The following EXOC6 variants were observed in gnomAD, a reference collection of about 807,000 sequenced individuals.
EXOC6 encodes the protein exocyst complex component 6, also known as SEC15-like 1.
EXOC6 carries 60 observed loss-of-function variants against 112.5 expected under a neutral mutation model. That is an observed-to-expected ratio of 0.53 (90% CI 0.43 to 0.66). The LOEUF (loss-of-function observed/expected upper bound fraction) is 0.66, where lower values mean the gene tolerates loss of function less well. Ranked by LOEUF, EXOC6 falls within the 30% of genes least tolerant of loss-of-function variation. The pLI is 0.00. For synonymous variants in EXOC6, 295 were observed against 308.0 expected (o/e 0.96, Z 0.44); for missense variants, 855 against 957.1 (o/e 0.89, Z 1.41).
At chr10:93,016,213 C>CA (rs1844502379) in intron 20 of EXOC6, among the ~76,000 whole-genome samples, 1 of 152,130 alleles carries the variant, frequency 6.6e-6, no homozygotes, top group Non-Finnish European at 1.5e-5. Context: ...CAGCTCACTG[C>CA]AGCTCTGCCT....
At chr10:92,943,312 C>T (rs1249760804) in intron 13 of EXOC6, among the ~76,000 whole-genome samples, 1 of 152,200 alleles carries the variant, frequency 6.6e-6, no homozygotes, top group East Asian at 1.9e-4. Flanking sequence ...GCCACCCCTC[C>T]TGGCCACCTA....
At chr10:92,827,474 CAAAAAAA>C (rs60863083) in intron 1 of EXOC6, among the ~76,000 whole-genome samples, 14 of 33,206 alleles carry the variant, frequency 4.2e-4, no homozygotes, top group East Asian at 3.4e-3. Context: ...GCCCTGTTGC[CAAAAAAA>C]AAAAAAAAAA....
intron 17 of EXOC6, among the ~76,000 whole-genome samples, chr10:92,959,301 G>A (rs11818946): frequency 0.011 from 1,618 of 152,270 alleles, 32 homozygotes; most frequent in African/African-American, 0.037. Context: ...ACATCCACAT[G>A]TAAAAAAATG....
At chr10:93,045,212 C>T (rs1461620752) in intron 20 of EXOC6, among the ~76,000 whole-genome samples, 1 of 152,088 alleles carries the variant, frequency 6.6e-6, no homozygotes, top group Non-Finnish European at 1.5e-5. Context: ...TAAAGAAAAG[C>T]CAGTCATTGT....
chr10:93,045,090 T>C (rs1845944193), intron 20 of EXOC6, among the ~76,000 whole-genome samples: 1 of 152,186 alleles, frequency 6.6e-6, no homozygotes. Flanking sequence ...CCAGGCTAAT[T>C]TCAAACTTCT....
intron 19 of EXOC6, among the ~76,000 whole-genome samples, chr10:92,999,908 T>C (rs1843674592): frequency 6.6e-6 from 1 of 152,100 alleles, no homozygotes; most frequent in Admixed American, 6.5e-5. Context: ...TTCAACATAT[T>C]GGCCAGGCTG....
At chr10:92,975,687 A>G (rs1458663620) in intron 18 of EXOC6, among the ~76,000 whole-genome samples, 7 of 90,290 alleles carry the variant, frequency 7.8e-5, no homozygotes, top group Admixed American at 3.2e-4. Context: ...GGCAGCCCCT[A>G]CTGGGAAGTG....
At chr10:92,872,460 G>GT (rs1398499693) in intron 1 of EXOC6, among the ~76,000 whole-genome samples, 2 of 151,896 alleles carry the variant, frequency 1.3e-5, no homozygotes, top group Non-Finnish European at 2.9e-5. Flanking sequence ...AAAGTGTATG[G>GT]TTTTTTATTA....
Position 92,935,795 on chromosome 10 carries a change from T to C in EXOC6, c.1141-19T>C, listed in dbSNP as rs747049066. 6.4e-7 allele frequency: 1 copy of C among 1,568,424 alleles called. No homozygotes were observed. Among genetic ancestry groups the C allele is most frequent in the East Asian group, 2.3e-5 (1 of 44,358 alleles). ...GTTGTTGTCGGTGTTTTGTTTTGTTTGTGTGTTTCCACCCTCAGTCCTATT... is the reference window on the plus strand; with the variant it reads ...GTTGTTGTCGGTGTTTTGTTTTGTTCGTGTGTTTCCACCCTCAGTCCTATT... On this transcript the variant is annotated intron_variant, in intron 11 of 21. Transcript: ENST00000260762.
chr10:92,985,357 G>A (rs1842963835), intron 18 of EXOC6, among the ~76,000 whole-genome samples: 1 of 152,096 alleles, frequency 6.6e-6, no homozygotes, highest in African/African-American at 2.4e-5. Context: ...CTACTTCTCT[G>A]TTAGCATATA....
chr10:92,956,234 T>G (rs966891438), intron 17 of EXOC6, among the ~76,000 whole-genome samples: 1 of 152,216 alleles, frequency 6.6e-6, no homozygotes, highest in African/African-American at 2.4e-5. Context: ...AATGTAAGAT[T>G]AAACAATTTC....
At chr10:92,924,130 T>G (rs1487232883) in intron 8 of EXOC6, among the ~76,000 whole-genome samples, 1 of 152,192 alleles carries the variant, frequency 6.6e-6, no homozygotes, top group Non-Finnish European at 1.5e-5. Context: ...AATGACCTGT[T>G]CTTTTTCCCC....
intron 20 of EXOC6, among the ~76,000 whole-genome samples, chr10:93,023,809 T>C (rs1844893344): frequency 6.6e-6 from 1 of 152,232 alleles, no homozygotes; most frequent in East Asian, 1.9e-4. Flanking sequence ...TAAGATTCTT[T>C]GTATAATATG....
intron 18 of EXOC6, among the ~76,000 whole-genome samples, chr10:92,978,508 CTA>C (rs1340841058): frequency 1.3e-5 from 2 of 151,866 alleles, no homozygotes; most frequent in Non-Finnish European, 2.9e-5. Context: ...AAATTATTGA[CTA>C]TGGTAAATTT....
intron 20 of EXOC6, among the ~76,000 whole-genome samples, chr10:93,016,629 A>G (rs1043902009): frequency 6.6e-6 from 1 of 152,222 alleles, no homozygotes; most frequent in Non-Finnish European, 1.5e-5. Flanking sequence ...ACATTGTCAA[A>G]TAAGAAATGG....
At chr10:92,987,624 T>A in intron 18 of EXOC6, 1 of 985,194 alleles carries the variant, frequency 1.0e-6, no homozygotes. Context: ...CTAACAACAA[T>A]GATCATGCAG....
intron 20 of EXOC6, among the ~76,000 whole-genome samples, chr10:93,055,680 T>C (rs1396384423): frequency 9.1e-6 from 1 of 109,956 alleles, no homozygotes; most frequent in African/African-American, 3.4e-5. Context: ...ATTGTCTCAG[T>C]ATAGTTTCTA....
chr10:92,858,798 C>T (rs1847753211), intron 1 of EXOC6, among the ~76,000 whole-genome samples: 1 of 152,150 alleles, frequency 6.6e-6, no homozygotes, highest in African/African-American at 2.4e-5. Context: ...CAGAGTCTTG[C>T]TCTGTCACCC....
At chr10:93,000,116 A>T (rs835245) in intron 19 of EXOC6, among the ~76,000 whole-genome samples, 48,168 of 152,020 alleles carry the variant, frequency 0.32, 10,647 homozygotes, top group African/African-American at 0.63. Context: ...CCATTGGGGG[A>T]CTTGGAACAT....
Sources: gnomAD v4.1 joint callset for allele counts (sites outside exome capture counted in the v4.1 genomes callset) on GRCh38, gnomAD v4.1.1 for gene constraint, MANE v1.5 for transcripts, NCBI Gene and HGNC (gene_info 2026-07-23, HGNC 2026-07-21) for gene names.